DRC1: variants seen among roughly 807,000 people sequenced by gnomAD.
The protein encoded by DRC1 is dynein regulatory complex subunit 1.
A neutral mutation model predicts 98.7 loss-of-function variants in DRC1; 74 were observed. The observed-to-expected ratio is 0.75, with a 90% CI of 0.62 to 0.91. The LOEUF (loss-of-function observed/expected upper bound fraction) is 0.91, where lower values mean the gene tolerates loss of function less well. Among genes scored for constraint, DRC1 ranks in the 40% least tolerant of loss-of-function variants. The pLI is 0.00. For missense variants in DRC1, 875 were observed against 886.0 expected, an observed-to-expected ratio of 0.99 and a Z score of 0.16; for synonymous variants, 336 against 334.1, an observed-to-expected ratio of 1.01 and a Z score of -0.06.
Position 26,454,704 on chromosome 2 carries a change from G to T in DRC1, c.1977G>T (p.Ser659=). 6.2e-7 allele frequency: 1 copy of T among 1,614,118 alleles called. No homozygotes were observed. The highest frequency in any genetic ancestry group is 2.2e-5 in the East Asian group (1 of 44,874). The change falls in exon 15 of 17, where the codon TCG becomes TCT. Residue 659 remains serine, a synonymous_variant. Transcript: ENST00000288710. The surrounding 1 kb of genome is among the most constrained non-coding windows in gnomAD (Gnocchi z 5.2). ...ATGTGCGTGACAACTCCAAGGACTC[G>T]GAGTACTGGCAGGCCCTGACCACAG... ...QKNVRDNSKD[S]EYWQALTTVI...
chr2:26,421,145 G>A, intron 2 of DRC1, 143 bp from the exon 3 acceptor site: 1 of 594,500 alleles, frequency 1.7e-6, no homozygotes, highest in Non-Finnish European at 2.9e-6. Flanking sequence ...CTACACAGAG[G>A]CTACTCTTAA....
At chr2:26,434,878 G>A (rs373010042) in intron 7 of DRC1, among the ~76,000 whole-genome samples, 61 of 136,718 alleles carry the variant, frequency 4.5e-4, no homozygotes, top group African/African-American at 1.6e-3. Flanking sequence ...GTGACAGAGC[G>A]AGACTCCGTC....
chr2:26,427,609 G>A (rs1347824504), intron 4 of DRC1, among the ~76,000 whole-genome samples: 1 of 151,856 alleles, frequency 6.6e-6, no homozygotes, highest in Non-Finnish European at 1.5e-5. Flanking sequence ...ATTTTAAAAT[G>A]TACAATAAAT....
rs564358853 is a variant in DRC1, at chr2:26,422,062, T to TTCTA, written c.356+666_356+669dup. ...GTAACACACACAAGGAGGCCTTTAATTCTATCTGCAGAGATTACAGAAAAC... is the reference window on the plus strand; with the variant it reads ...GTAACACACACAAGGAGGCCTTTAATTCTATCTATCTGCAGAGATTACAGAAAAC... On this transcript the variant is annotated intron_variant, in intron 3 of 16. Coordinates refer to ENST00000288710, the MANE Select transcript of DRC1 (RefSeq NM_145038.5). 6.6e-5 allele frequency among the ~76,000 whole-genome samples: 10 copies of TTCTA among 152,330 alleles called. No individual in the cohort carries two copies. In the South Asian group the frequency reaches 2.1e-3, roughly 32 times the overall value.
rs541010338 is a variant in DRC1, at chr2:26,408,463, A to C, written c.156-5881A>C. 1.7e-4 allele frequency among the ~76,000 whole-genome samples: 26 copies of C among 152,280 alleles called. 1 individual carries two copies. The South Asian group carries it at 5.2e-3, about 30-fold the overall frequency. On this transcript the variant is annotated intron_variant, in intron 1 of 16. Transcript: ENST00000288710. ...TTCTCTGTGGAATCCGACCAGCCCC[A>C]AAAGAAGGATTTAAAGACACTAATG...
At chr2:26,446,280 T>C (rs1323317047) in intron 10 of DRC1, among the ~76,000 whole-genome samples, 1 of 152,008 alleles carries the variant, frequency 6.6e-6, no homozygotes, top group African/African-American at 2.4e-5. Context: ...TATTTTTTTG[T>C]AGAGACATGG....
intron 16 of DRC1, 88 bp downstream of exon 16, chr2:26,455,321 C>A: frequency 7.9e-7 from 1 of 1,262,306 alleles, no homozygotes; most frequent in South Asian, 1.3e-5. Context: ...CGAGGAGTCC[C>A]CTCCCCGTCA....
chr2:26,447,533 G>T (rs761168595), intron 10 of DRC1, among the ~76,000 whole-genome samples: 108 of 152,160 alleles, frequency 7.1e-4, no homozygotes, highest in Middle Eastern at 3.4e-3. Flanking sequence ...TTAGGGAATG[G>T]TTTTTTACAA....
At position 26,417,169 on chromosome 2, in the gene DRC1, G is replaced by A. The variant is rs190199651; in HGVS notation, c.243+2738G>A. On this transcript the variant is annotated intron_variant, in intron 2 of 16. Coordinates refer to ENST00000288710, the MANE Select transcript of DRC1 (RefSeq NM_145038.5). ...GATTAAAATTCAACATAAGATTTGG[G>A]CAGGGACAAAAGATCGAAACTATAT... Among the ~76,000 whole-genome samples the A allele has an allele frequency of 1.5e-3, 224 of 152,164 alleles. No individual in the cohort carries two copies. The South Asian group carries it at 0.023, about 16-fold the overall frequency.
At chr2:26,414,510 A>G in intron 2 of DRC1, 79 bp downstream of exon 2, 1 of 1,338,294 alleles carries the variant, frequency 7.5e-7, no homozygotes, top group Non-Finnish European at 1.1e-6. Context: ...TTAGACTGGA[A>G]GAAATCATGT....
chr2:26,411,449 T>C (rs897318836), intron 1 of DRC1, among the ~76,000 whole-genome samples: 1 of 152,252 alleles, frequency 6.6e-6, no homozygotes, highest in Non-Finnish European at 1.5e-5. Context: ...CATTTCAATT[T>C]GCACCAGGCA....
chr2:26,440,497 G>A lies in DRC1; in HGVS notation c.1008G>A (p.Gln336=), dbSNP rs562545293. 4 of 1,611,324 alleles carry A rather than the reference G, an allele frequency of 2.5e-6. No homozygotes were observed. Among genetic ancestry groups the A allele is most frequent in the African/African-American group, 1.3e-5 (1 of 74,954 alleles). The change falls in exon 8 of 17, where the codon CAG becomes CAA. Residue 336 remains glutamine, a synonymous_variant. Transcript: ENST00000288710. ...RDEESTVIKS[Q]QKRKINRLHD... is the part of the protein sequence containing the mutation. Reference sequence around the variant, plus strand: ...AAGAAAGCACAGTAATTAAATCCCAGCAGAAGAGGAAGATCAATCGGTAAG... The same window carrying A: ...AAGAAAGCACAGTAATTAAATCCCAACAGAAGAGGAAGATCAATCGGTAAG...
intron 1 of DRC1, among the ~76,000 whole-genome samples, chr2:26,409,157 C>A (rs1250229419): frequency 6.6e-6 from 1 of 151,824 alleles, no homozygotes; most frequent in Non-Finnish European, 1.5e-5. Flanking sequence ...GTCTTAAACT[C>A]CTGGGTCAAG....
intron 10 of DRC1, among the ~76,000 whole-genome samples, chr2:26,445,857 A>G (rs973269780): frequency 9.2e-5 from 14 of 151,706 alleles, no homozygotes; most frequent in African/African-American, 2.9e-4. Context: ...ACAGGGTTTC[A>G]CCATATTGGC....
rs1663449299 is a variant in DRC1 at position 26,432,001 on chromosome 2, G to T, written c.883G>T (p.Val295Leu). 1 of 1,613,778 alleles carries T rather than the reference G, an allele frequency of 6.2e-7. No homozygotes were observed. Among genetic ancestry groups the T allele is most frequent in the African/African-American group, 1.3e-5 (1 of 74,944 alleles). The change falls in exon 7 of 17, where the codon GTG becomes TTG. Residue 295 changes from valine to leucine, a missense_variant. Physicochemically the swap from Val to Leu is conservative, Grantham distance 32. Coordinates refer to ENST00000288710, the MANE Select transcript of DRC1 (RefSeq NM_145038.5). ...NMIKIKLEQD[V>L]QILEQQLQQR... ...GATCAAGATCAAGCTGGAGCAGGAT[G>T]TGCAGGTGCAACAGCTGGTCCTCAC...
chr2:26,438,876 T>C (rs1663640718), intron 7 of DRC1, among the ~76,000 whole-genome samples: 1 of 152,144 alleles, frequency 6.6e-6, no homozygotes, highest in African/African-American at 2.4e-5. Flanking sequence ...TTCCACTTGA[T>C]TGCCTTCCCC....
chr2:26,415,681 C>T lies in DRC1; in HGVS notation c.243+1250C>T, dbSNP rs566003636. On this transcript the variant is annotated intron_variant, in intron 2 of 16. Transcript: ENST00000288710. ...GCGCGGTGGCTCACGTCTATGATCC[C>T]AGGACTTTGGGAGGCCGAGGCGAGC... is the stretch of plus-strand genomic sequence containing the variant. 4.6e-5 allele frequency among the ~76,000 whole-genome samples: 7 copies of T among 152,248 alleles called. No homozygotes were observed. The South Asian group carries it at 1.0e-3, about 23-fold the overall frequency.
chr2:26,424,329 T>C lies in DRC1; in HGVS notation c.415T>C (p.Ser139Pro). 1 of 1,613,804 alleles carries C rather than the reference T, an allele frequency of 6.2e-7. No homozygotes were observed. The highest frequency in any genetic ancestry group is 8.5e-7 in the Non-Finnish European group (1 of 1,179,974). Residue 139 changes from serine to proline, a missense_variant, in exon 4 of 17, where the codon TCA (serine) becomes CCA (proline). Transcript: ENST00000288710. Reference protein sequence around the residue: ...TSQDKFDEITSKWEEGKQKRI... With the variant: ...TSQDKFDEITPKWEEGKQKRI... ...CCAGGACAAATTCGATGAAATCACCTCAAAGTGGGAAGAGGGCAAGCAGAA... is the reference window on the plus strand; with the variant it reads ...CCAGGACAAATTCGATGAAATCACCCCAAAGTGGGAAGAGGGCAAGCAGAA...
intron 7 of DRC1, among the ~76,000 whole-genome samples, chr2:26,439,870 A>G (rs965872008): frequency 7.0e-6 from 1 of 142,016 alleles, no homozygotes; most frequent in Non-Finnish European, 1.5e-5. Flanking sequence ...TTCCTCTGAC[A>G]TGACTTGAAC....
Sources: allele counts gnomAD v4.1 joint callset (sites outside exome capture counted in the v4.1 genomes callset), GRCh38; gene constraint gnomAD v4.1.1; non-coding constraint Gnocchi (gnomAD v3.1); transcripts MANE v1.5; gene names NCBI Gene and HGNC (gene_info 2026-07-23, HGNC 2026-07-21).